Variants in RPL26L1 observed in about 807,000 individuals in gnomAD.
RPL26L1 encodes the protein ribosomal protein L26 like 1, also known as ribosomal protein uL24-like.
In RPL26L1, 8 loss-of-function variants were observed where a neutral mutation model predicts 15.2. That is an observed-to-expected ratio of 0.53 (90% CI 0.31 to 0.95). RPL26L1 has a LOEUF of 0.95. Ranked by LOEUF, RPL26L1 falls within the 40% of genes least tolerant of loss-of-function variation. The pLI, the probability that RPL26L1 is intolerant of heterozygous loss-of-function variation, is 0.05. For missense variants in RPL26L1, 146 were observed against 190.9 expected (o/e 0.76, Z 1.39); for synonymous variants, 51 against 65.9 (o/e 0.77, Z 1.09).
intron 1 of RPL26L1, 34 bp from the exon 2 acceptor site, chr5:172,959,831 G>C (rs1459748441): frequency 6.2e-7 from 1 of 1,606,978 alleles, no homozygotes; most frequent in South Asian, 1.1e-5. Flanking sequence ...CCCACTGAGC[G>C]CCCCTTCATT....
chr5:172,955,018 T>C (rs894766858), upstream of RPL26L1: 2 of 455,566 alleles, frequency 4.4e-6, no homozygotes, highest in Admixed American at 4.7e-5. Flanking sequence ...GGAGAGAAGC[T>C]GAAGTGTTGC....
At chr5:172,962,635 G>A (rs2113533859) in intron 2 of RPL26L1, among the ~76,000 whole-genome samples, 1 of 151,860 alleles carries the variant, frequency 6.6e-6, no homozygotes, top group African/African-American at 2.4e-5. Context: ...GGCTAACACG[G>A]TGAAACCCAT....
chr5:172,961,844 A>G (rs1257280019), intron 2 of RPL26L1, among the ~76,000 whole-genome samples: 2 of 152,182 alleles, frequency 1.3e-5, no homozygotes, highest in Non-Finnish European at 1.5e-5. Context: ...TACCTATAAC[A>G]CAGACCTATA....
chr5:172,966,313 ATTTTTTTTTTTTTTTT>A (rs386405707), intron 2 of RPL26L1, among the ~76,000 whole-genome samples: 1 of 63,664 alleles, frequency 1.6e-5, no homozygotes, highest in Non-Finnish European at 2.7e-5. Context: ...CTGGCTAACT[ATTTTTTTTTTTTTTTT>A]TTTTTTTTTT....
intron 1 of RPL26L1, 51 bp from the exon 2 acceptor site, chr5:172,959,814 C>T (rs780544259): frequency 5.3e-5 from 84 of 1,585,286 alleles, no homozygotes; most frequent in Admixed American, 8.4e-5. Context: ...AGAACAGGCC[C>T]CTGTAACCCA....
At chr5:172,958,565 C>T (rs1199892452), upstream of RPL26L1, 2 of 370,778 alleles carry the variant, frequency 5.4e-6, no homozygotes, top group African/African-American at 4.1e-5. Flanking sequence ...AGCCCTTTTC[C>T]TTCCCTGCCG....
intron 2 of RPL26L1, among the ~76,000 whole-genome samples, chr5:172,964,647 G>A (rs373828392): frequency 6.6e-6 from 1 of 152,186 alleles, no homozygotes; most frequent in South Asian, 2.1e-4. Context: ...GGCCATGCTG[G>A]CTGAACACTT....
Position 172,959,908 on chromosome 5 carries a change from G to A in RPL26L1, c.35G>A (p.Ser12Asn), listed in dbSNP as rs980598731. Residue 12 changes from serine to asparagine, a missense_variant, in exon 2 of 4, where the codon AGT (serine) becomes AAT (asparagine). Coordinates refer to ENST00000265100, the MANE Select transcript of RPL26L1 (RefSeq NM_016093.4). ...KFNPFVTSDR[S>N]KNRKRHFNAP... ...AATCCCTTCGTTACCTCGGACCGCA[G>A]TAAAAACCGCAAACGTCACTTCAAT... 2 of 1,614,180 alleles carry A rather than the reference G, an allele frequency of 1.2e-6. No homozygotes were observed. The highest frequency in any genetic ancestry group is 1.7e-6 in the Non-Finnish European group (2 of 1,180,032).
At chr5:172,960,510 C>T (rs2113527359) in intron 2 of RPL26L1, among the ~76,000 whole-genome samples, 1 of 152,248 alleles carries the variant, frequency 6.6e-6, no homozygotes, top group South Asian at 2.1e-4. Context: ...GAAGGTGCTG[C>T]AGTGAGAGTA....
Position 172,959,865 on chromosome 5 carries a change from A to C in RPL26L1, c.-9A>C. 6.2e-7 allele frequency: 1 copy of C among 1,613,982 alleles called. No homozygotes were observed. The highest frequency in any genetic ancestry group is 1.3e-5 in the African/African-American group (1 of 75,000). ...TTCCGTCTCTCTCCGCCCTTTGTAG[A>C]GGGTCACCATGAAGTTCAATCCCTT... On this transcript the variant is annotated splice_region_variant and 5_prime_UTR_variant, in exon 2 of 4. Transcript: ENST00000265100.
chr5:172,969,322 T>C, intron 3 of RPL26L1, 91 bp from the exon 4 acceptor site: 1 of 1,333,196 alleles, frequency 7.5e-7, no homozygotes, highest in East Asian at 2.4e-5. Flanking sequence ...AAAAGCTGAA[T>C]GGCTGAGGTC....
At chr5:172,954,722 T>C (rs941892604), upstream of RPL26L1, 1 of 333,382 alleles carries the variant, frequency 3.0e-6, no homozygotes, top group Non-Finnish European at 6.0e-6. Context: ...CAGGTTTCTC[T>C]GTAAGGTAGA....
upstream of RPL26L1, chr5:172,955,997 T>A (rs1001248464): frequency 6.6e-6 from 1 of 152,224 alleles, no homozygotes; most frequent in African/African-American, 2.4e-5. Flanking sequence ...CAGGAGGTGC[T>A]TTTTTTGGTT....
chr5:172,960,124 C>T (rs1383355321), intron 2 of RPL26L1, 83 bp downstream of exon 2: 17 of 1,516,582 alleles, frequency 1.1e-5, no homozygotes, highest in South Asian at 2.3e-5. Context: ...ACTCACATGC[C>T]TCAGGACTCT....
At chr5:172,968,695 G>C in intron 3 of RPL26L1, 96 bp downstream of exon 3, 1 of 1,412,876 alleles carries the variant, frequency 7.1e-7, no homozygotes, top group Non-Finnish European at 9.8e-7. Flanking sequence ...AGTTGGCTGA[G>C]GCAGGCCAGG....
chr5:172,962,842 C>T (rs1459808838), intron 2 of RPL26L1, among the ~76,000 whole-genome samples: 1 of 148,998 alleles, frequency 6.7e-6, no homozygotes, highest in African/African-American at 2.5e-5. Context: ...AAAAAAAATC[C>T]TTTGGCAGTT....
upstream of RPL26L1, chr5:172,957,087 C>T (rs928591208): frequency 1.6e-5 from 7 of 428,754 alleles, no homozygotes; most frequent in South Asian, 3.3e-5. Flanking sequence ...CAAACCCAAG[C>T]GATTTGGGTG....
chr5:172,959,645 TC>T, intron 1 of RPL26L1, 177 bp downstream of exon 1: 1 of 1,224,536 alleles, frequency 8.2e-7, no homozygotes, highest in Non-Finnish European at 1.1e-6. Flanking sequence ...TGCTACCCTC[TC>T]CCCCACGACC....
At chr5:172,958,264 C>CA (rs5873347), upstream of RPL26L1, 145,795 of 285,216 alleles carry the variant, frequency 0.51, 33,772 homozygotes, top group East Asian at 0.57. Context: ...AACTCTATCT[C>CA]AAAAAAAAAA....
Sources: allele counts gnomAD v4.1 joint callset (sites outside exome capture counted in the v4.1 genomes callset), GRCh38; gene constraint gnomAD v4.1.1; transcripts MANE v1.5; gene names NCBI Gene and HGNC (gene_info 2026-07-23, HGNC 2026-07-21).